The following SHTN1 variants were observed in gnomAD, a reference collection of about 807,000 sequenced individuals.
The protein encoded by SHTN1 is shootin 1.
Under a neutral mutation model 83.1 loss-of-function variants are expected in SHTN1, and 42 were observed. That is an observed-to-expected ratio of 0.51 (90% CI 0.39 to 0.65). The LOEUF (loss-of-function observed/expected upper bound fraction) is 0.65, where lower values mean the gene tolerates loss of function less well. Ranked by LOEUF, SHTN1 falls within the 30% of genes least tolerant of loss-of-function variation. SHTN1 has a pLI of 0.00. For synonymous variants in SHTN1, 224 were observed against 247.7 expected (o/e 0.90, Z 0.90); for missense variants, 622 against 737.8 (o/e 0.84, Z 1.82).
At chr10:117,068,849 T>TG (rs1338528051) in intron 1 of SHTN1, among the ~76,000 whole-genome samples, 1 of 152,180 alleles carries the variant, frequency 6.6e-6, no homozygotes, top group Non-Finnish European at 1.5e-5. Context: ...TTTTTGCAGC[T>TG]GAGTGATGAG....
upstream of SHTN1, among the ~76,000 whole-genome samples, chr10:117,009,013 G>A (rs1172049430): frequency 6.6e-6 from 1 of 152,142 alleles, no homozygotes; most frequent in Non-Finnish European, 1.5e-5. Context: ...TACTCAGGAG[G>A]CTGAGGCAGG....
chr10:117,097,016 CACACACACACATAG>C (rs757766263), intron 1 of SHTN1, among the ~76,000 whole-genome samples: 18 of 138,370 alleles, frequency 1.3e-4, no homozygotes, highest in Non-Finnish European at 2.5e-4. Flanking sequence ...CGCGCGCGCA[CACACACACACATAG>C]ACACACACAC....
At chr10:116,894,346 G>A (rs1478302728) in intron 16 of SHTN1, among the ~76,000 whole-genome samples, 2 of 152,082 alleles carry the variant, frequency 1.3e-5, no homozygotes, top group Non-Finnish European at 2.9e-5. Context: ...TGCCACATGG[G>A]TTTTTGTTTT....
intron 2 of SHTN1, among the ~76,000 whole-genome samples, chr10:117,025,873 A>G (rs969382703): frequency 6.6e-6 from 1 of 152,134 alleles, no homozygotes; most frequent in Admixed American, 6.6e-5. Flanking sequence ...TCCATCACCT[A>G]CTAACTGAAG....
intron 2 of SHTN1, chr10:116,973,823 A>G (rs1850700833): frequency 8.3e-7 from 1 of 1,208,244 alleles, no homozygotes; most frequent in Non-Finnish European, 1.1e-6. Flanking sequence ...AAACATGCCC[A>G]GCATCAGAAT....
intron 1 of SHTN1, among the ~76,000 whole-genome samples, chr10:116,995,882 A>G (rs1176702179): frequency 6.6e-6 from 1 of 152,146 alleles, no homozygotes; most frequent in Non-Finnish European, 1.5e-5. Flanking sequence ...CAGGAACATC[A>G]GGAATCTAGG....
intron 12 of SHTN1, among the ~76,000 whole-genome samples, chr10:116,919,868 AC>A (rs10711113): frequency 0.96 from 146,058 of 152,214 alleles, 70,374 homozygotes; most frequent in East Asian, 1. Flanking sequence ...GCCAATTCTT[AC>A]GAGAGAAAAT....
rs1564855792 is a variant in SHTN1, at chr10:116,882,005, A to AT, written c.*4338dup. Reference sequence around the variant, plus strand: ...AACACCCCATCCTTTACCAATCAGAATATCTCTGAGAACAAAAACCTAATG... The same window carrying AT: ...AACACCCCATCCTTTACCAATCAGAATTATCTCTGAGAACAAAAACCTAATG... On this transcript the variant is annotated 3_prime_UTR_variant, in exon 17 of 17. Transcript: ENST00000355371. 1 of 189,056 alleles carries AT rather than the reference A, an allele frequency of 5.3e-6. No individual in the cohort carries two copies. The highest frequency in any genetic ancestry group is 1.2e-4 in the East Asian group (1 of 8,066). 11.7% of individuals were successfully genotyped at this position (189,056 alleles called of 1,614,324 possible).
intron 9 of SHTN1, among the ~76,000 whole-genome samples, chr10:116,933,350 A>G (rs528561942): frequency 5.4e-5 from 8 of 149,404 alleles, no homozygotes; most frequent in Non-Finnish European, 1.2e-4. Context: ...CTGGTGTGTG[A>G]TGTTCCCCTC....
chr10:117,026,515 C>T (rs1852335205), intron 2 of SHTN1, among the ~76,000 whole-genome samples: 3 of 151,926 alleles, frequency 2.0e-5, no homozygotes, highest in Non-Finnish European at 2.9e-5. Context: ...CTCCTTCTCC[C>T]GAATTCAAGC....
intron 2 of SHTN1, among the ~76,000 whole-genome samples, chr10:117,039,782 G>A (rs1212154827): frequency 6.6e-6 from 1 of 151,202 alleles, no homozygotes; most frequent in East Asian, 1.9e-4. Context: ...GAACCCAGGA[G>A]GCAGAGCTTG....
chr10:117,115,099 A>G (rs1435946680), intron 1 of SHTN1, among the ~76,000 whole-genome samples: 1 of 152,200 alleles, frequency 6.6e-6, no homozygotes, highest in African/African-American at 2.4e-5. Flanking sequence ...CCTTTTGAGA[A>G]TCTATGCTAA....
Position 116,881,751 on chromosome 10 carries a change from T to C in SHTN1, c.*4593A>G. On this transcript the variant is annotated 3_prime_UTR_variant, in exon 17 of 17. Coordinates refer to ENST00000355371, the MANE Select transcript of SHTN1 (RefSeq NM_001127211.3). ...TGAAGTACGGCGCCGTGTCTCCACA[T>C]GGAGTTTCCTCTTCAACTTCACCAA... The C allele has an allele frequency of 9.2e-7, 1 of 1,084,570 alleles. No individual in the cohort carries two copies. The highest frequency in any genetic ancestry group is 3.1e-5 in the East Asian group (1 of 31,838). 67.2% of individuals were successfully genotyped at this position (1,084,570 alleles called of 1,614,324 possible). A position where few individuals can be genotyped will look rare whatever the true frequency, so the allele number is the denominator to read the frequency against.
chr10:117,054,750 A>T (rs965046613), intron 1 of SHTN1, among the ~76,000 whole-genome samples: 1 of 152,052 alleles, frequency 6.6e-6, no homozygotes, highest in African/African-American at 2.4e-5. Context: ...GCTGACTTCA[A>T]GGTATAGACA....
At chr10:117,039,551 G>T (rs1852552223) in intron 2 of SHTN1, among the ~76,000 whole-genome samples, 1 of 152,048 alleles carries the variant, frequency 6.6e-6, no homozygotes, top group African/African-American at 2.4e-5. Context: ...TCTGATAGGG[G>T]ATGTTAAAAA....
intron 13 of SHTN1, 54 bp downstream of exon 13, chr10:116,915,321 A>T: frequency 1.0e-6 from 1 of 958,986 alleles, no homozygotes. Context: ...TCAAATTTAT[A>T]CATTTAAAAA....
chr10:116,906,622 C>G lies in SHTN1; in HGVS notation c.1480+5G>C. 1 of 1,609,632 alleles carries G rather than the reference C, an allele frequency of 6.2e-7. No individual in the cohort carries two copies. The highest frequency in any genetic ancestry group is 8.5e-7 in the Non-Finnish European group (1 of 1,177,982). On this transcript the variant is annotated splice_donor_5th_base_variant and intron_variant, in intron 15 of 16. Coordinates refer to ENST00000355371, the MANE Select transcript of SHTN1 (RefSeq NM_001127211.3). The stretch of plus-strand genomic sequence containing the variant: ...AAGGACTGTGGAGAATTCAAACCGG[C>G]TTACTACTGCTATCTGCTTCTGCTG...
At chr10:117,022,129 A>G (rs1852271105) in intron 2 of SHTN1, among the ~76,000 whole-genome samples, 1 of 152,166 alleles carries the variant, frequency 6.6e-6, no homozygotes, top group African/African-American at 2.4e-5. Context: ...CTATATCTCT[A>G]TATATAGTCT....
chr10:117,046,824 G>A (rs1326923097), intron 2 of SHTN1, among the ~76,000 whole-genome samples: 1 of 152,132 alleles, frequency 6.6e-6, no homozygotes, highest in East Asian at 1.9e-4. Context: ...AATTAGATGA[G>A]TAGTTGCCAG....
Sources: gnomAD v4.1 joint callset for allele counts (sites outside exome capture counted in the v4.1 genomes callset) on GRCh38, gnomAD v4.1.1 for gene constraint, MANE v1.5 for transcripts, NCBI Gene and HGNC (gene_info 2026-07-23, HGNC 2026-07-21) for gene names.